CRY1: variants seen among roughly 807,000 people sequenced by gnomAD.
CRY1 encodes the protein cryptochrome circadian regulator 1, also known as cryptochrome-1.
Under a neutral mutation model 76.0 loss-of-function variants are expected in CRY1, and 45 were observed. The observed-to-expected ratio is 0.59, with a 90% CI of 0.47 to 0.76. The LOEUF (loss-of-function observed/expected upper bound fraction) is 0.76, where lower values mean the gene tolerates loss of function less well. CRY1 is among the 30% of genes least tolerant of loss of function. The pLI, the probability that CRY1 is intolerant of heterozygous loss-of-function variation, is 0.00. For synonymous variants in CRY1, 248 were observed against 244.0 expected (o/e 1.02, Z -0.15); for missense variants, 587 against 716.4 (o/e 0.82, Z 2.06).
chr12:106,995,595 T>G (rs752649381), intron 10 of CRY1, among the ~76,000 whole-genome samples: 45 of 152,158 alleles, frequency 3.0e-4, no homozygotes, highest in Admixed American at 9.8e-4. Context: ...TACAAAGTGT[T>G]TGTATGATTT....
intron 1 of CRY1, among the ~76,000 whole-genome samples, chr12:107,088,516 G>A (rs1953430352): frequency 6.6e-6 from 1 of 152,024 alleles, no homozygotes; most frequent in Non-Finnish European, 1.5e-5. Context: ...AAGGGCTGCA[G>A]GAACTTGTTT....
intron 1 of CRY1, among the ~76,000 whole-genome samples, chr12:107,091,983 C>T (rs1593551430): frequency 1.3e-5 from 2 of 152,292 alleles, no homozygotes; most frequent in African/African-American, 4.8e-5. Context: ...CTTATCACCA[C>T]CTAAAATACT....
At chr12:107,076,336 C>T (rs1051249458) in intron 1 of CRY1, among the ~76,000 whole-genome samples, 8 of 151,882 alleles carry the variant, frequency 5.3e-5, no homozygotes, top group Admixed American at 2.0e-4. Flanking sequence ...TCAGGCTGGA[C>T]GCAGTGGTGC....
intron 5 of CRY1, among the ~76,000 whole-genome samples, 164 bp from the exon 6 acceptor site, chr12:107,000,246 A>T (rs934344056): frequency 1.2e-4 from 18 of 152,236 alleles, no homozygotes; most frequent in Admixed American, 9.8e-4. Flanking sequence ...CAGGATAAAA[A>T]AGTGAGCATT....
intron 2 of CRY1, among the ~76,000 whole-genome samples, chr12:107,016,012 T>C (rs900232595): frequency 6.6e-6 from 1 of 152,170 alleles, no homozygotes; most frequent in Non-Finnish European, 1.5e-5. Flanking sequence ...AACAACTAAA[T>C]GAATATAAAG....
At chr12:107,032,669 C>T (rs768694172) in intron 1 of CRY1, among the ~76,000 whole-genome samples, 1 of 152,142 alleles carries the variant, frequency 6.6e-6, no homozygotes, top group African/African-American at 2.4e-5. Context: ...ATTAGTTGGG[C>T]ATGATGGCAT....
intron 1 of CRY1, among the ~76,000 whole-genome samples, chr12:107,060,163 C>CA (rs1953030022): frequency 6.6e-6 from 1 of 152,036 alleles, no homozygotes; most frequent in South Asian, 2.1e-4. Context: ...ATTTAATACT[C>CA]AAACAATTCT....
chr12:107,050,785 A>G (rs1388305666), intron 1 of CRY1, among the ~76,000 whole-genome samples: 1 of 152,222 alleles, frequency 6.6e-6, no homozygotes, highest in Non-Finnish European at 1.5e-5. Flanking sequence ...ACAGAGACAG[A>G]CTAACCAGCC....
At chr12:107,042,084 A>G (rs1280352832) in intron 1 of CRY1, among the ~76,000 whole-genome samples, 8 of 152,226 alleles carry the variant, frequency 5.3e-5, no homozygotes, top group Non-Finnish European at 1.0e-4. Context: ...ATTATGACCC[A>G]AAGAGTAAAA....
chr12:107,068,383 C>T (rs775125629), intron 1 of CRY1, among the ~76,000 whole-genome samples: 4 of 152,098 alleles, frequency 2.6e-5, no homozygotes, highest in African/African-American at 7.2e-5. Context: ...CTGCAACCTC[C>T]GCCTCCTTGG....
intron 1 of CRY1, among the ~76,000 whole-genome samples, chr12:107,092,063 A>C (rs1050568144): frequency 6.6e-6 from 1 of 152,154 alleles, no homozygotes; most frequent in African/African-American, 2.4e-5. Context: ...CTAGCATTTA[A>C]ATCAGTGCCT....
intron 1 of CRY1, among the ~76,000 whole-genome samples, chr12:107,034,395 C>T (rs1239083257): frequency 6.6e-6 from 1 of 152,132 alleles, no homozygotes; most frequent in Non-Finnish European, 1.5e-5. Context: ...ATACTCTTGA[C>T]TGAGTATACT....
chr12:107,066,366 C>A (rs1043413470), intron 1 of CRY1, among the ~76,000 whole-genome samples: 1 of 152,170 alleles, frequency 6.6e-6, no homozygotes, highest in African/African-American at 2.4e-5. Flanking sequence ...TATATCCATT[C>A]ATCCTTTTAT....
At chr12:107,061,657 C>G (rs981040891) in intron 1 of CRY1, among the ~76,000 whole-genome samples, 2 of 152,178 alleles carry the variant, frequency 1.3e-5, no homozygotes, top group Non-Finnish European at 2.9e-5. Context: ...GCTAGGATCA[C>G]AGGCATGAGC....
intron 1 of CRY1, among the ~76,000 whole-genome samples, chr12:107,057,393 A>G (rs955451339): frequency 1.3e-5 from 2 of 152,208 alleles, no homozygotes; most frequent in East Asian, 3.8e-4. Context: ...TTAAAAAGAA[A>G]GCCCTGCCTA....
chr12:107,028,668 C>T (rs893908686), intron 1 of CRY1, among the ~76,000 whole-genome samples: 1 of 152,084 alleles, frequency 6.6e-6, no homozygotes, highest in Admixed American at 6.6e-5. Context: ...AATATGTGGG[C>T]ATGATATAAG....
intron 2 of CRY1, among the ~76,000 whole-genome samples, chr12:107,011,247 G>C (rs865832851): frequency 6.6e-6 from 1 of 152,156 alleles, no homozygotes; most frequent in African/African-American, 2.4e-5. Context: ...CTACTCGGGA[G>C]GCTGAGGCAG....
intron 1 of CRY1, among the ~76,000 whole-genome samples, chr12:107,089,947 C>A (rs556014384): frequency 6.6e-6 from 1 of 152,332 alleles, no homozygotes; most frequent in African/African-American, 2.4e-5. Flanking sequence ...CTGACACTAC[C>A]AAAACCACTC....
At chr12:107,083,762 T>C (rs1047956730) in intron 1 of CRY1, among the ~76,000 whole-genome samples, 3 of 152,170 alleles carry the variant, frequency 2.0e-5, no homozygotes, top group African/African-American at 7.2e-5. Flanking sequence ...GCTGGAAGCA[T>C]TCCCATTGAA....
Sources: gnomAD v4.1 joint callset for allele counts (sites outside exome capture counted in the v4.1 genomes callset) on GRCh38, gnomAD v4.1.1 for gene constraint, MANE v1.5 for transcripts, NCBI Gene and HGNC (gene_info 2026-07-23, HGNC 2026-07-21) for gene names.